The following ZNF730 variants were observed in gnomAD, a reference collection of about 807,000 sequenced individuals.
ZNF730 encodes zinc finger protein 730.
Under a neutral mutation model 12.6 loss-of-function variants are expected in ZNF730, and 12 were observed. The ratio of observed to expected loss-of-function variants is 0.95; its 90% confidence interval spans 0.61 to 1.54. The LOEUF is 1.54. Ranked by LOEUF, ZNF730 falls within the 40% of genes most tolerant of loss-of-function variation. ZNF730 has a pLI of 0.00. For synonymous variants in ZNF730, 194 were observed against 195.8 expected (o/e 0.99, Z 0.08); for missense variants, 643 against 583.5 (o/e 1.10, Z -1.05).
In ZNF730 at chr19:23,145,718, A is replaced by C; in HGVS notation, c.674A>C (p.Lys225Thr). 1 of 1,556,976 alleles carries C rather than the reference A, an allele frequency of 6.4e-7. No homozygotes were observed. Among genetic ancestry groups the C allele is most frequent in the Non-Finnish European group, 8.7e-7 (1 of 1,152,128 alleles). ...ACTACACATAAAAGAATTACTGAGAAAAAACCTTACAAATGTAAAGAATGT... is the reference window on the plus strand; with the variant it reads ...ACTACACATAAAAGAATTACTGAGACAAAACCTTACAAATGTAAAGAATGT... Reference protein sequence around the residue: ...NCTTHKRITEKKPYKCKECGK... With the variant: ...NCTTHKRITETKPYKCKECGK... The change falls in exon 4 of 4, where the codon AAA (lysine) becomes ACA (threonine). Residue 225 changes from lysine (K) to threonine (T), a missense_variant. Coordinates refer to ENST00000597761, the MANE Select transcript of ZNF730 (RefSeq NM_001277403.2).
intron 1 of ZNF730, chr19:23,095,228 G>A (rs1332038391): frequency 2.5e-6 from 1 of 395,712 alleles, no homozygotes; most frequent in Admixed American, 4.4e-5. Flanking sequence ...CTTGTACCCA[G>A]GTGGTGTGAA....
chr19:23,077,477 A>G (rs1969885082), intron 1 of ZNF730, among the ~76,000 whole-genome samples: 2 of 112,036 alleles, frequency 1.8e-5, no homozygotes, highest in Non-Finnish European at 3.3e-5. Context: ...TCACTCTGTC[A>G]CCCAGGCTGG....
intron 3 of ZNF730, among the ~76,000 whole-genome samples, chr19:23,141,623 AGT>A (rs1970921604): frequency 6.6e-6 from 1 of 151,828 alleles, no homozygotes; most frequent in African/African-American, 2.4e-5. Flanking sequence ...CACAATCAAG[AGT>A]GTGTTAATTT....
chr19:23,080,574 C>G (rs896638246), intron 1 of ZNF730, among the ~76,000 whole-genome samples: 23 of 151,982 alleles, frequency 1.5e-4, no homozygotes, highest in Non-Finnish European at 2.4e-4. Context: ...GGGGTTTCAG[C>G]ATGTTGCCCA....
intron 3 of ZNF730, among the ~76,000 whole-genome samples, chr19:23,137,121 G>A (rs1380083985): frequency 6.6e-6 from 1 of 152,166 alleles, no homozygotes; most frequent in Non-Finnish European, 1.5e-5. Flanking sequence ...AGTGAGCCAA[G>A]ACTGTGCCAC....
rs78055939 is a variant in ZNF730 at position 23,108,131 on chromosome 19, T to A, written c.-93-25949T>A. ...AAAGGCCATGACTTAGCAGCAAACA[T>A]TTTTACATTCATTTGAGAAATAATT... On this transcript the variant is annotated intron_variant, in intron 1 of 2. Transcript: ENST00000593635. 9.2e-5 allele frequency among the ~76,000 whole-genome samples: 14 copies of A among 152,280 alleles called. 1 individual carries two copies. In the East Asian group the frequency reaches 2.7e-3, roughly 29 times the overall value.
intron 1 of ZNF730, among the ~76,000 whole-genome samples, chr19:23,080,012 C>T (rs536281768): frequency 3.9e-5 from 6 of 152,252 alleles, no homozygotes; most frequent in African/African-American, 1.4e-4. Flanking sequence ...GTGGCGCCAT[C>T]TTGGCTAACT....
intron 1 of ZNF730, among the ~76,000 whole-genome samples, chr19:23,120,843 C>T (rs943949333): frequency 4.6e-5 from 7 of 152,142 alleles, no homozygotes; most frequent in Non-Finnish European, 2.9e-5. Flanking sequence ...AAGTGCTATA[C>T]ATTTCCCTCT....
intron 1 of ZNF730, among the ~76,000 whole-genome samples, chr19:23,120,879 A>G (rs1970590293): frequency 6.6e-6 from 1 of 152,156 alleles, no homozygotes; most frequent in Non-Finnish European, 1.5e-5. Flanking sequence ...CATGTTGCAG[A>G]GATTCTAGTA....
In ZNF730 at chr19:23,136,031, G is replaced by T; in HGVS notation, c.214G>T (p.Ala72Ser). 1 of 1,600,312 alleles carries T rather than the reference G, an allele frequency of 6.2e-7. No homozygotes were observed. The highest frequency in any genetic ancestry group is 8.5e-7 in the Non-Finnish European group (1 of 1,173,278). ...GAATTTGAAGACACATGATATGGTA[G>T]CCAAACCCCCAGGTAGGTGACAGTA... is the stretch of plus-strand genomic sequence containing the variant. ...PWNLKTHDMV[A>S]KPPVICSHIA... Residue 72 changes from alanine to serine, a missense_variant, in exon 3 of 4, where the codon GCC (alanine) becomes TCC (serine). Transcript: ENST00000597761.
chr19:23,083,646 T>C (rs904634861), intron 1 of ZNF730, among the ~76,000 whole-genome samples: 1 of 152,072 alleles, frequency 6.6e-6, no homozygotes, highest in Non-Finnish European at 1.5e-5. Context: ...TTGTATATTA[T>C]TGTAGTTTGG....
At chr19:23,095,530 C>T (rs1195970175) in intron 1 of ZNF730, 1 of 398,060 alleles carries the variant, frequency 2.5e-6, no homozygotes, top group African/African-American at 2.1e-5. Flanking sequence ...ACATGACTCT[C>T]CCCCTCTTTC....
chr19:23,099,197 C>T (rs750185698), intron 1 of ZNF730, among the ~76,000 whole-genome samples: 5 of 152,134 alleles, frequency 3.3e-5, no homozygotes, highest in Admixed American at 6.6e-5. Flanking sequence ...GATGGTGACT[C>T]ATTTCTAAAC....
At chr19:23,136,582 T>C (rs1970835740) in intron 3 of ZNF730, among the ~76,000 whole-genome samples, 1 of 152,198 alleles carries the variant, frequency 6.6e-6, no homozygotes, top group Non-Finnish European at 1.5e-5. Flanking sequence ...TTAAACTATT[T>C]TTTAAGTTAT....
In ZNF730 at chr19:23,134,130, G is replaced by A. The variant is rs749640624; in HGVS notation, c.54G>A (p.Trp18Ter). The change falls in exon 2 of 4, where the codon TGG becomes TGA. Residue 18 changes from tryptophan to a stop codon, truncating the protein, a stop_gained. Coordinates refer to ENST00000597761, the MANE Select transcript of ZNF730 (RefSeq NM_001277403.2). LOFTEE classifies it high-confidence loss of function. ...CCATAGAATTCTCTCTGGAGGAGTG[G>A]CAATGTCTGGACACCGAACAACAGA... ...DVAIEFSLEE[W>*]QCLDTEQQNL... 2.5e-6 allele frequency: 4 copies of A among 1,613,216 alleles called. No individual in the cohort carries two copies. Among genetic ancestry groups the A allele is most frequent in the Non-Finnish European group, 2.5e-6 (3 of 1,179,580 alleles).
chr19:23,126,675 C>A, intron 1 of ZNF730: 6 of 325,494 alleles, frequency 1.8e-5, no homozygotes, highest in East Asian at 1.8e-4. Context: ...TTTTTTTTTT[C>A]TGAATGCAGC....
chr19:23,105,056 G>A (rs1244108164), intron 1 of ZNF730, among the ~76,000 whole-genome samples: 2 of 151,962 alleles, frequency 1.3e-5, no homozygotes, highest in Non-Finnish European at 2.9e-5. Flanking sequence ...AAATAATCAG[G>A]GCGAGTATAG....
At chr19:23,091,020 AG>A (rs1970150999) in intron 1 of ZNF730, among the ~76,000 whole-genome samples, 1 of 151,396 alleles carries the variant, frequency 6.6e-6, no homozygotes, top group Non-Finnish European at 1.5e-5. Context: ...AAAAAGAAAA[AG>A]AAAAAGTGGT....
At position 23,081,202 on chromosome 19, in the gene ZNF730, T is replaced by C. The variant is rs1044164270; in HGVS notation, c.-94+5815T>C. ...CTTTGTTGCAGAGGCTGGAGGGCAGTAGTGTGATCTCGGCTTGCTGCAAAC... is the reference window on the plus strand; with the variant it reads ...CTTTGTTGCAGAGGCTGGAGGGCAGCAGTGTGATCTCGGCTTGCTGCAAAC... On this transcript the variant is annotated intron_variant, in intron 1 of 2. Coordinates refer to the ZNF730 transcript ENST00000593635. Among the ~76,000 whole-genome samples, 8 of 151,662 alleles carry C rather than the reference T, an allele frequency of 5.3e-5. No homozygotes were observed. The Admixed American group carries it at 5.3e-4, about 10-fold the overall frequency.
Sources: gnomAD v4.1 joint callset for allele counts (sites outside exome capture counted in the v4.1 genomes callset) on GRCh38, gnomAD v4.1.1 for gene constraint, MANE v1.5 for transcripts, NCBI Gene and HGNC (gene_info 2026-07-23, HGNC 2026-07-21) for gene names.